Variants in ZNF423 observed in about 807,000 individuals in gnomAD.
ZNF423 encodes zinc finger protein 423.
ZNF423 carries 12 observed loss-of-function variants against 95.8 expected under a neutral mutation model. The observed-to-expected ratio is 0.13, with a 90% CI of 0.08 to 0.20. The LOEUF is 0.20. Ranked by LOEUF, ZNF423 falls within the 10% of genes least tolerant of loss-of-function variation. The probability of loss-of-function intolerance (pLI) is 1.00; values close to 1 mark genes in which losing one functional copy is unlikely to be tolerated. For synonymous variants in ZNF423, 749 were observed against 711.9 expected, an observed-to-expected ratio of 1.05 and a Z score of -0.83; for missense variants, 1,316 against 1,737.1, an observed-to-expected ratio of 0.76 and a Z score of 4.31.
At chr16:49,600,382 G>A (rs962595504) in intron 5 of ZNF423, among the ~76,000 whole-genome samples, 2 of 152,008 alleles carry the variant, frequency 1.3e-5, no homozygotes, top group African/African-American at 4.8e-5. Flanking sequence ...CCCAAGTTAT[G>A]GAGGCAGCAA....
chr16:49,532,350 T>A (rs1443287699), intron 5 of ZNF423, among the ~76,000 whole-genome samples: 1 of 152,150 alleles, frequency 6.6e-6, no homozygotes, highest in Non-Finnish European at 1.5e-5. Flanking sequence ...CGCTCAGCCA[T>A]GGCTTGAAGG....
At chr16:49,681,761 ATTTTCTTTTTCT>A (rs981030851) in intron 3 of ZNF423, among the ~76,000 whole-genome samples, 2 of 151,554 alleles carry the variant, frequency 1.3e-5, no homozygotes, top group Middle Eastern at 3.4e-3. Flanking sequence ...TCATATTATG[ATTTTCTTTTTCT>A]TTTTCTTTTT....
At chr16:49,771,799 C>T (rs2034039978) in intron 2 of ZNF423, among the ~76,000 whole-genome samples, 1 of 152,144 alleles carries the variant, frequency 6.6e-6, no homozygotes, top group Non-Finnish European at 1.5e-5. Flanking sequence ...ATAAATTACC[C>T]AGTCTTGGGT....
chr16:49,674,160 T>C (rs1228268964), intron 3 of ZNF423, among the ~76,000 whole-genome samples: 1 of 152,204 alleles, frequency 6.6e-6, no homozygotes, highest in Non-Finnish European at 1.5e-5. Flanking sequence ...GGGTACTTTT[T>C]TAAACCTATA....
chr16:49,559,724 A>T (rs1277099155), intron 5 of ZNF423, among the ~76,000 whole-genome samples: 1 of 152,206 alleles, frequency 6.6e-6, no homozygotes, highest in Non-Finnish European at 1.5e-5. Context: ...CTACATCAGT[A>T]TCATCAGGAC....
chr16:49,772,104 C>G (rs2034045765), intron 2 of ZNF423, among the ~76,000 whole-genome samples: 1 of 152,214 alleles, frequency 6.6e-6, no homozygotes, highest in South Asian at 2.1e-4. Flanking sequence ...CCCAGGAAAG[C>G]CGATGCTGCA....
intron 3 of ZNF423, among the ~76,000 whole-genome samples, chr16:49,701,858 A>AC (rs2032193787): frequency 6.6e-6 from 1 of 152,188 alleles, no homozygotes; most frequent in South Asian, 2.1e-4. Flanking sequence ...TCTTGCATGA[A>AC]GAAAAAAAAT....
chr16:49,697,443 C>T (rs1438928211), intron 3 of ZNF423, among the ~76,000 whole-genome samples: 1 of 151,982 alleles, frequency 6.6e-6, no homozygotes, highest in African/African-American at 2.4e-5. Context: ...TCCTGGAGTC[C>T]AAGCCAAGCA....
intron 3 of ZNF423, among the ~76,000 whole-genome samples, chr16:49,702,064 T>A (rs998660898): frequency 1.3e-5 from 2 of 152,156 alleles, no homozygotes; most frequent in African/African-American, 4.8e-5. Context: ...ATGTAGGCAT[T>A]GTAAAAGGCA....
chr16:49,793,886 C>A (rs932074187), intron 1 of ZNF423, among the ~76,000 whole-genome samples: 1 of 152,136 alleles, frequency 6.6e-6, no homozygotes. Flanking sequence ...GCTCCAGAGC[C>A]CTTTGCAAAC....
In ZNF423 at chr16:49,636,647, A is replaced by G. The variant is rs945321110; in HGVS notation, c.2529T>C (p.Ala843=). The change falls in exon 4 of 8, where the codon GCT becomes GCC. Residue 843 remains alanine (A), a synonymous_variant. Coordinates refer to ENST00000563137, the MANE Select transcript of ZNF423 (RefSeq NM_001379286.1). This position sits in a 1 kb window ranked among gnomAD's most constrained non-coding sequence, Gnocchi z 8.6. ...CATTGGCCGTGCCGTTCTCGGTCGC[A>G]GCATCAAACACACAGTGCTTCTCCC... ...HLREKHCVFD[A]ATENGTANGV... is the part of the protein sequence containing the mutation. The G allele has an allele frequency of 8.1e-6, 13 of 1,613,908 alleles. No individual in the cohort carries two copies. The highest frequency in any genetic ancestry group is 1.1e-5 in the Non-Finnish European group (13 of 1,180,006).
At chr16:49,704,263 T>C (rs913772179) in intron 3 of ZNF423, among the ~76,000 whole-genome samples, 6 of 151,880 alleles carry the variant, frequency 4.0e-5, no homozygotes, top group African/African-American at 1.5e-4. Context: ...GCATCTCAAC[T>C]CCACTCCATG....
chr16:49,502,277 G>A (rs756822742), intron 7 of ZNF423, among the ~76,000 whole-genome samples: 51 of 152,134 alleles, frequency 3.4e-4, no homozygotes, highest in Non-Finnish European at 6.3e-4. Flanking sequence ...TGGGATGTGG[G>A]ACTCGGTGTG....
intron 5 of ZNF423, among the ~76,000 whole-genome samples, chr16:49,527,559 T>C (rs947945953): frequency 2.6e-5 from 4 of 152,090 alleles, no homozygotes; most frequent in African/African-American, 9.7e-5. Context: ...CACCCTTACA[T>C]GTGACCTTAT....
At chr16:49,612,785 A>G (rs937101274) in intron 5 of ZNF423, among the ~76,000 whole-genome samples, 8 of 152,202 alleles carry the variant, frequency 5.3e-5, no homozygotes, top group Admixed American at 5.2e-4. Flanking sequence ...AAAATCCCAT[A>G]GAATCTACAG....
rs576488538 is a variant in ZNF423 at position 49,698,056 on chromosome 16, G to A, written c.301+32715C>T. ...GCCCGACTCCACATTGTCCTGCCCA[G>A]CCAGGAGATGGAGAGTGCGGCACTC... On this transcript the variant is annotated intron_variant, in intron 3 of 7. Coordinates refer to ENST00000563137, the MANE Select transcript of ZNF423 (RefSeq NM_001379286.1). Among the ~76,000 whole-genome samples the A allele has an allele frequency of 1.4e-4, 21 of 152,334 alleles. No homozygotes were observed. The South Asian group carries it at 3.1e-3, about 23-fold the overall frequency.
In ZNF423 at chr16:49,635,663, G is replaced by T. The variant is rs1972662432; in HGVS notation, c.3513C>A (p.Pro1171=). 6.4e-7 allele frequency: 1 copy of T among 1,566,748 alleles called. No individual in the cohort carries two copies. The highest frequency in any genetic ancestry group is 1.4e-5 in the African/African-American group (1 of 73,528). ...PRKGTQTSPV[P]RKKTYQCIKC... is the part of the protein sequence containing the mutation. ...GGATGAGGTGGACTGCACTTACCCG[G>T]GGCACTGGCGATGTCTGGGTGCCTT... is the stretch of plus-strand genomic sequence containing the variant. The change falls in exon 4 of 8, where the codon CCC becomes CCA. Residue 1171 remains proline (P), a synonymous_variant. Coordinates refer to ENST00000563137, the MANE Select transcript of ZNF423 (RefSeq NM_001379286.1). This position sits in a 1 kb window ranked among gnomAD's most constrained non-coding sequence, Gnocchi z 4.8.
chr16:49,617,914 G>A (rs1364629856), intron 5 of ZNF423, among the ~76,000 whole-genome samples: 1 of 151,966 alleles, frequency 6.6e-6, no homozygotes, highest in Non-Finnish European at 1.5e-5. Flanking sequence ...GATATTCCTG[G>A]AAACACTGCT....
At chr16:49,740,298 C>T (rs1034994482) in intron 2 of ZNF423, among the ~76,000 whole-genome samples, 5 of 152,210 alleles carry the variant, frequency 3.3e-5, no homozygotes, top group Non-Finnish European at 7.3e-5. Flanking sequence ...AGCCTCTATT[C>T]AGTGTTCGTT....
Sources: allele counts gnomAD v4.1 joint callset (sites outside exome capture counted in the v4.1 genomes callset), GRCh38; gene constraint gnomAD v4.1.1; non-coding constraint Gnocchi (gnomAD v3.1); transcripts MANE v1.5; gene names NCBI Gene and HGNC (gene_info 2026-07-23, HGNC 2026-07-21).